Variants in ZFHX3 observed in about 807,000 individuals in gnomAD.
ZFHX3 encodes the protein zinc finger homeobox protein 3.
A neutral mutation model predicts 279.1 loss-of-function variants in ZFHX3; 42 were observed. The ratio of observed to expected loss-of-function variants is 0.15; its 90% CI spans 0.12 to 0.19. The LOEUF (loss-of-function observed/expected upper bound fraction) is 0.19, where lower values mean the gene tolerates loss of function less well. Ranked by LOEUF, ZFHX3 falls within the 10% of genes least tolerant of loss-of-function variation. ZFHX3 has a pLI of 1.00. For synonymous variants in ZFHX3, 2,293 were observed against 1,957.8 expected, an observed-to-expected ratio of 1.17 and a Z score of -4.52; for missense variants, 4,981 against 4,754.0, an observed-to-expected ratio of 1.05 and a Z score of -1.40.
At chr16:73,579,879 C>CAT (rs2051841448) in intron 2 of ZFHX3, among the ~76,000 whole-genome samples, 1 of 110,768 alleles carries the variant, frequency 9.0e-6, no homozygotes, top group Admixed American at 8.8e-5. Flanking sequence ...TATATACATA[C>CAT]ACACACATAT....
At chr16:72,866,471 G>A (rs1395730873) in intron 4 of ZFHX3, among the ~76,000 whole-genome samples, 2 of 152,148 alleles carry the variant, frequency 1.3e-5, no homozygotes, top group African/African-American at 4.8e-5. Flanking sequence ...TTCTTCTGGG[G>A]TGAGGGATCA....
intron 2 of ZFHX3, among the ~76,000 whole-genome samples, chr16:73,542,679 C>T (rs1234340473): frequency 6.6e-6 from 1 of 152,052 alleles, no homozygotes. Context: ...CTAGTTAAAA[C>T]AAAAAGATGC....
At chr16:73,624,424 T>A (rs1855749285) in intron 2 of ZFHX3, among the ~76,000 whole-genome samples, 1 of 151,792 alleles carries the variant, frequency 6.6e-6, no homozygotes, top group South Asian at 2.1e-4. Context: ...GCAGCTGTCA[T>A]AAACTCAGCT....
chr16:73,836,961 G>A (rs988878267), intron 1 of ZFHX3, among the ~76,000 whole-genome samples: 8 of 152,184 alleles, frequency 5.3e-5, no homozygotes, highest in African/African-American at 1.2e-4. Context: ...ATGTTATAAC[G>A]TGCAGCATGA....
chr16:73,888,478 G>C (rs1465685664), intron 1 of ZFHX3, among the ~76,000 whole-genome samples: 2 of 152,110 alleles, frequency 1.3e-5, no homozygotes, highest in Non-Finnish European at 2.9e-5. Context: ...ATTTCTTCTA[G>C]ATTTCAATTC....
At chr16:73,297,038 C>A (rs755303628) in intron 4 of ZFHX3, among the ~76,000 whole-genome samples, 1 of 151,634 alleles carries the variant, frequency 6.6e-6, no homozygotes, top group African/African-American at 2.4e-5. Context: ...CCACCCTGCC[C>A]GGCTAATTTT....
intron 4 of ZFHX3, among the ~76,000 whole-genome samples, chr16:73,295,605 G>A (rs1567442785): frequency 6.6e-6 from 1 of 152,206 alleles, no homozygotes; most frequent in Non-Finnish European, 1.5e-5. Flanking sequence ...GGGTAAGAAC[G>A]TTTACGATGT....
intron 4 of ZFHX3, among the ~76,000 whole-genome samples, chr16:72,872,661 G>A (rs2038193495): frequency 1.3e-5 from 2 of 152,170 alleles, no homozygotes; most frequent in African/African-American, 4.8e-5. Flanking sequence ...GTTTCACTAT[G>A]TTGGCCAGGC....
chr16:73,266,036 C>T (rs1235852392), intron 4 of ZFHX3, among the ~76,000 whole-genome samples: 2 of 152,172 alleles, frequency 1.3e-5, no homozygotes, highest in Non-Finnish European at 2.9e-5. Context: ...AAGTCCGTTT[C>T]GAAAACAAAC....
intron 5 of ZFHX3, among the ~76,000 whole-genome samples, chr16:73,256,491 A>G (rs2013665245): frequency 6.6e-6 from 1 of 152,202 alleles, no homozygotes; most frequent in South Asian, 2.1e-4. Flanking sequence ...AGACTTCAAA[A>G]AAAGCAGATT....
chr16:73,724,121 T>C (rs2053498659), intron 1 of ZFHX3, among the ~76,000 whole-genome samples: 1 of 152,176 alleles, frequency 6.6e-6, no homozygotes, highest in South Asian at 2.1e-4. Context: ...TGAATAAGGT[T>C]AGGTGGAAAA....
At chr16:73,240,753 T>A (rs143929296) in intron 5 of ZFHX3, among the ~76,000 whole-genome samples, 16 of 152,142 alleles carry the variant, frequency 1.1e-4, no homozygotes, top group African/African-American at 3.4e-4. Context: ...ACAACTAAAT[T>A]TCAATGAGTA....
chr16:73,830,467 G>T (rs1006674457), intron 1 of ZFHX3, among the ~76,000 whole-genome samples: 2 of 152,192 alleles, frequency 1.3e-5, no homozygotes, highest in African/African-American at 4.8e-5. Context: ...AGAAGCAAGG[G>T]TTAACTGTGG....
chr16:72,831,386 T>C (rs921657606), intron 4 of ZFHX3, among the ~76,000 whole-genome samples: 1 of 152,162 alleles, frequency 6.6e-6, no homozygotes, highest in Non-Finnish European at 1.5e-5. Context: ...CTGTTTATTT[T>C]CATCTCCAAC....
At chr16:73,013,635 T>C (rs1963995662) in intron 1 of ZFHX3, among the ~76,000 whole-genome samples, 1 of 152,116 alleles carries the variant, frequency 6.6e-6, no homozygotes, top group African/African-American at 2.4e-5. Context: ...CAAGTATGAC[T>C]CTTTGGGCCT....
intron 1 of ZFHX3, among the ~76,000 whole-genome samples, chr16:73,880,803 A>T (rs2030120253): frequency 6.6e-6 from 1 of 152,204 alleles, no homozygotes; most frequent in African/African-American, 2.4e-5. Flanking sequence ...CAAGAATATC[A>T]AAGTTTGCTT....
At chr16:73,448,687 T>A (rs1221104034) in intron 3 of ZFHX3, among the ~76,000 whole-genome samples, 1 of 138,928 alleles carries the variant, frequency 7.2e-6, no homozygotes, top group African/African-American at 3.1e-5. Flanking sequence ...TTTATATACG[T>A]GTGTGTGTGT....
rs2144074190 is a variant in ZFHX3, at chr16:72,889,819, C to T, written c.3360G>A (p.Lys1120=). The T allele has an allele frequency of 1.2e-6, 2 of 1,613,938 alleles. No homozygotes were observed. Among genetic ancestry groups the T allele is most frequent in the Non-Finnish European group, 1.7e-6 (2 of 1,180,040 alleles). Residue 1120 remains lysine, a synonymous_variant, in exon 4 of 10, where the codon AAG becomes AAA. Transcript: ENST00000268489. ...MKHQRSESLR[K]LQRLQKGLPE... ...GAAGGCCCTTCTGCAGCCGCTGCAG[C>T]TTTCGCAGGCTCTCGCTTCGCTGGT... is the stretch of plus-strand genomic sequence containing the variant.
intron 4 of ZFHX3, among the ~76,000 whole-genome samples, chr16:73,275,990 G>C (rs1025750281): frequency 6.6e-6 from 1 of 152,012 alleles, no homozygotes; most frequent in Non-Finnish European, 1.5e-5. Context: ...GTGATGGGGG[G>C]GGACAGGGAA....
Sources: gnomAD v4.1 joint callset for allele counts (sites outside exome capture counted in the v4.1 genomes callset) on GRCh38, gnomAD v4.1.1 for gene constraint, MANE v1.5 for transcripts, NCBI Gene and HGNC (gene_info 2026-07-23, HGNC 2026-07-21) for gene names.